Variants in KPNA4 observed in about 807,000 individuals in gnomAD.
KPNA4 encodes karyopherin subunit alpha 4, also known as importin subunit alpha-3.
KPNA4 carries 13 observed loss-of-function variants against 71.3 expected under a neutral mutation model. The observed-to-expected ratio is 0.18, with a 90% confidence interval of 0.12 to 0.29. The LOEUF is 0.29. KPNA4 is among the 10% of genes least tolerant of loss of function. The pLI is 1.00. For synonymous variants in KPNA4, 189 were observed against 195.2 expected, an observed-to-expected ratio of 0.97 and a Z score of 0.26; for missense variants, 334 against 603.2, an observed-to-expected ratio of 0.55 and a Z score of 4.67.
chr3:160,546,960 C>A (rs1721923737), intron 1 of KPNA4, among the ~76,000 whole-genome samples: 1 of 152,348 alleles, frequency 6.6e-6, no homozygotes, highest in Non-Finnish European at 1.5e-5. Flanking sequence ...TTAAGCCACA[C>A]TGCAAAGCGA....
chr3:160,546,947 C>G (rs1302652491), intron 1 of KPNA4, among the ~76,000 whole-genome samples: 1 of 152,200 alleles, frequency 6.6e-6, no homozygotes, highest in Non-Finnish European at 1.5e-5. Context: ...CTTCTTTGGT[C>G]TCTTAAGCCA....
Position 160,523,239 on chromosome 3 carries a change from G to A in KPNA4, c.772-1329C>T, listed in dbSNP as rs1334982366. ...TAACCCCAGCACTTTGGGAGACCAA[G>A]GCAGGTGGACTGCTTGAGCCCAGGA... On this transcript the variant is annotated intron_variant, in intron 10 of 16. Coordinates refer to ENST00000334256, the MANE Select transcript of KPNA4 (RefSeq NM_002268.5). Among the ~76,000 whole-genome samples the A allele has an allele frequency of 3.2e-4, 48 of 152,170 alleles. 1 individual carries two copies. The highest frequency in any genetic ancestry group is 4.4e-5 in the Non-Finnish European group (3 of 68,030).
intron 15 of KPNA4, among the ~76,000 whole-genome samples, chr3:160,505,633 TTTTAC>T (rs1360417275): frequency 2.0e-5 from 3 of 152,304 alleles, no homozygotes; most frequent in South Asian, 2.1e-4. Context: ...TTGGATCCTG[TTTTAC>T]TTTAGAGGAA....
intron 7 of KPNA4, among the ~76,000 whole-genome samples, chr3:160,529,106 C>T (rs1334267152): frequency 4.0e-5 from 6 of 151,588 alleles, no homozygotes; most frequent in Non-Finnish European, 1.5e-5. Flanking sequence ...TTTTTTTTTC[C>T]TGCATTTTGT....
chr3:160,532,838 G>A (rs1721599854), intron 5 of KPNA4, among the ~76,000 whole-genome samples: 1 of 152,080 alleles, frequency 6.6e-6, no homozygotes, highest in South Asian at 2.1e-4. Flanking sequence ...TAAACAATAG[G>A]TTAGTTGTCT....
At chr3:160,557,884 A>T (rs1330860682) in intron 1 of KPNA4, among the ~76,000 whole-genome samples, 1 of 152,062 alleles carries the variant, frequency 6.6e-6, no homozygotes, top group Non-Finnish European at 1.5e-5. Flanking sequence ...GTCTCACCAT[A>T]TTGCCTAGGA....
chr3:160,519,963 G>T (rs952308286), intron 11 of KPNA4, among the ~76,000 whole-genome samples: 24 of 152,060 alleles, frequency 1.6e-4, no homozygotes, highest in Non-Finnish European at 2.2e-4. Context: ...TGAAATTATG[G>T]CATGAAAGTT....
At chr3:160,545,585 G>A (rs1466846749) in intron 1 of KPNA4, among the ~76,000 whole-genome samples, 1 of 152,218 alleles carries the variant, frequency 6.6e-6, no homozygotes, top group East Asian at 1.9e-4. Context: ...TGAACAAAGA[G>A]GGGTAGGAAA....
At chr3:160,564,080 T>C (rs1477256940) in intron 1 of KPNA4, 2 of 152,132 alleles carry the variant, frequency 1.3e-5, no homozygotes, top group African/African-American at 4.8e-5. Context: ...TTGACCACTT[T>C]CCCTAAAAGC....
chr3:160,553,114 G>T (rs1233906599), intron 1 of KPNA4, among the ~76,000 whole-genome samples: 1 of 152,216 alleles, frequency 6.6e-6, no homozygotes, highest in Non-Finnish European at 1.5e-5. Flanking sequence ...ACAGTGAGTA[G>T]AAAGTTAACA....
chr3:160,523,948 G>A (rs2108549587), intron 10 of KPNA4, among the ~76,000 whole-genome samples: 1 of 152,186 alleles, frequency 6.6e-6, no homozygotes, highest in African/African-American at 2.4e-5. Context: ...TTCTTTTCTG[G>A]AATATTAACA....
intron 2 of KPNA4, among the ~76,000 whole-genome samples, chr3:160,536,593 A>T (rs117539307): frequency 6.6e-6 from 1 of 152,270 alleles, no homozygotes; most frequent in East Asian, 1.9e-4. Context: ...TGTCAAATTT[A>T]GTCAAAATCT....
intron 14 of KPNA4, among the ~76,000 whole-genome samples, chr3:160,509,410 C>T (rs911405562): frequency 6.6e-6 from 1 of 151,810 alleles, no homozygotes; most frequent in African/African-American, 2.4e-5. Context: ...AAAAACAAAA[C>T]AAAACAAAAA....
In KPNA4 at chr3:160,529,346, G is replaced by T. The variant is rs182285939; in HGVS notation, c.470-1307C>A. ...GAGCATACATAACAGAAAGGAAAAA[G>T]TGTGAGAGGGAATAAAACATTGTTA... is the stretch of plus-strand genomic sequence containing the variant. On this transcript the variant is annotated intron_variant, in intron 7 of 16. Transcript: ENST00000334256. Among the ~76,000 whole-genome samples the T allele has an allele frequency of 1.8e-3, 262 of 148,898 alleles. 1 individual carries two copies. The highest frequency in any genetic ancestry group is 6.0e-3 in the African/African-American group (243 of 40,192).
chr3:160,551,346 C>A (rs1415582063), intron 1 of KPNA4, among the ~76,000 whole-genome samples: 2 of 152,058 alleles, frequency 1.3e-5, no homozygotes, highest in Non-Finnish European at 2.9e-5. Flanking sequence ...AAGAAAATAT[C>A]AGAATATAGG....
In KPNA4 at chr3:160,515,091, GCCA is replaced by G. The variant is rs533238679; in HGVS notation, c.1032+358_1032+360del. The G allele has an allele frequency of 9.5e-4, 494 of 519,464 alleles. 5 individuals carry two copies. The highest frequency in any genetic ancestry group is 8.5e-3 in the African/African-American group (444 of 52,048). 32.2% of individuals were successfully genotyped at this position (519,464 alleles called of 1,614,324 possible). ...CACCAGTCAGTGCCCCCTTTCCATA[GCCA>G]CCACAAGCACACACACATGCATACA... is the stretch of plus-strand genomic sequence containing the variant. On this transcript the variant is annotated intron_variant, in intron 12 of 16. Transcript: ENST00000334256.
intron 1 of KPNA4, among the ~76,000 whole-genome samples, chr3:160,548,951 TTTTG>T (rs1433005808): frequency 2.6e-5 from 4 of 152,308 alleles, no homozygotes; most frequent in Admixed American, 6.5e-5. Flanking sequence ...CCAACAGTTA[TTTTG>T]TTTTTGTTGT....
At chr3:160,551,660 A>C (rs1041124290) in intron 1 of KPNA4, among the ~76,000 whole-genome samples, 2 of 152,194 alleles carry the variant, frequency 1.3e-5, no homozygotes, top group South Asian at 4.1e-4. Context: ...TGGACAAGTA[A>C]TTTCACTTTT....
chr3:160,498,282 C>T lies in KPNA4; in HGVS notation c.*3822G>A, dbSNP rs1720805475. 1 of 152,160 alleles carries T rather than the reference C, an allele frequency of 6.6e-6. No individual in the cohort carries two copies. The highest frequency in any genetic ancestry group is 1.5e-5 in the Non-Finnish European group (1 of 68,030). The allele number at this position is 152,160 out of a possible 1,614,324, so 9.4% of individuals were successfully genotyped here. On this transcript the variant is annotated 3_prime_UTR_variant, in exon 17 of 17. Transcript: ENST00000334256. ...AGGTTCTCAGAGGCAACCTTGATCC[C>T]CAAATAAGCTTGCTATGATAACTAT...
Sources: allele counts gnomAD v4.1 joint callset (sites outside exome capture counted in the v4.1 genomes callset), GRCh38; gene constraint gnomAD v4.1.1; transcripts MANE v1.5; gene names NCBI Gene and HGNC (gene_info 2026-07-23, HGNC 2026-07-21).